NREP: variants seen among roughly 807,000 people sequenced by gnomAD.
NREP encodes neuronal regeneration related protein, also known as neuronal regeneration-related protein.
In NREP, 5 loss-of-function variants were observed where a neutral mutation model predicts 8.6. The ratio of observed to expected loss-of-function variants is 0.58; its 90% CI spans 0.30 to 1.22. The LOEUF (loss-of-function observed/expected upper bound fraction) is 1.22. Ranked by LOEUF, NREP falls within the 50% of genes most tolerant of loss-of-function variation. The probability of loss-of-function intolerance (pLI) is 0.07; values close to 1 mark genes in which losing one functional copy is unlikely to be tolerated. For synonymous variants in NREP, 27 were observed against 28.0 expected (o/e 0.96, Z 0.11); for missense variants, 86 against 82.5 (o/e 1.04, Z -0.17).
At chr5:111,767,852 A>G (rs956508879) in intron 2 of NREP, among the ~76,000 whole-genome samples, 2 of 151,984 alleles carry the variant, frequency 1.3e-5, no homozygotes, top group African/African-American at 4.8e-5. Context: ...TTTTTTAAAT[A>G]TGGGGTCTCC....
At chr5:111,773,856 C>G (rs1308864070) in intron 2 of NREP, among the ~76,000 whole-genome samples, 1 of 152,076 alleles carries the variant, frequency 6.6e-6, no homozygotes, top group African/African-American at 2.4e-5. Context: ...TGGTACCCTG[C>G]TTGTAGAGAA....
chr5:111,856,229 T>G (rs964459906), intron 2 of NREP, among the ~76,000 whole-genome samples: 2 of 152,162 alleles, frequency 1.3e-5, no homozygotes, highest in Non-Finnish European at 2.9e-5. Flanking sequence ...TGAACTAGAT[T>G]TTATTTTAGT....
At chr5:111,832,745 C>T (rs1372060504) in intron 2 of NREP, among the ~76,000 whole-genome samples, 1 of 152,216 alleles carries the variant, frequency 6.6e-6, no homozygotes, top group Non-Finnish European at 1.5e-5. Flanking sequence ...GCTACGCTTT[C>T]CAGGCAAAAT....
chr5:111,948,915 G>C (rs1040619541), intron 2 of NREP: 13 of 151,960 alleles, frequency 8.6e-5, no homozygotes, highest in Non-Finnish European at 7.4e-5. Context: ...ATCCAGCAAA[G>C]ATAAATAACA....
chr5:111,827,921 C>T (rs1453742065), intron 2 of NREP, among the ~76,000 whole-genome samples: 2 of 152,164 alleles, frequency 1.3e-5, no homozygotes, highest in Non-Finnish European at 2.9e-5. Context: ...GTACCAAAGG[C>T]ACAAGAAGTA....
chr5:111,840,191 TG>T (rs1752994935), intron 2 of NREP, among the ~76,000 whole-genome samples: 1 of 152,076 alleles, frequency 6.6e-6, no homozygotes, highest in Non-Finnish European at 1.5e-5. Context: ...ATAGCTCTGC[TG>T]TTAGGGGTAT....
chr5:111,800,809 C>T (rs1294644760), intron 2 of NREP, among the ~76,000 whole-genome samples: 1 of 152,174 alleles, frequency 6.6e-6, no homozygotes, highest in East Asian at 1.9e-4. Flanking sequence ...AAACAGAAAT[C>T]TCATTTTTTT....
At chr5:111,781,051 A>C (rs1257253353) in intron 2 of NREP, among the ~76,000 whole-genome samples, 2 of 152,090 alleles carry the variant, frequency 1.3e-5, no homozygotes, top group Non-Finnish European at 2.9e-5. Context: ...ATATAGGTCA[A>C]CTTGTGTCAT....
At chr5:111,827,043 A>G (rs188538137) in intron 2 of NREP, among the ~76,000 whole-genome samples, 58 of 152,336 alleles carry the variant, frequency 3.8e-4, no homozygotes, top group Middle Eastern at 3.4e-3. Context: ...TATTTTCTTA[A>G]ACACTAATTC....
rs1010390384 is a variant in NREP, at chr5:111,876,957, T to G, written c.135+98317A>C. On this transcript the variant is annotated intron_variant, in intron 2 of 3. Coordinates refer to the NREP transcript ENST00000395634. ...AATCAGAATGTAAACCCAGGCAGTC[T>G]GTGCTCTTGATCATATGCTAAGTTG... Among the ~76,000 whole-genome samples, 6 of 152,350 alleles carry G rather than the reference T, an allele frequency of 3.9e-5. No homozygotes were observed. The East Asian group carries it at 1.2e-3, about 29-fold the overall frequency.
upstream of NREP, chr5:111,758,326 A>C: frequency 5.9e-6 from 5 of 842,198 alleles, no homozygotes; most frequent in African/African-American, 3.7e-5. Flanking sequence ...CCTTCCCTAT[A>C]CGCTCCCCCA....
intron 2 of NREP, among the ~76,000 whole-genome samples, chr5:111,835,302 T>C (rs1752866675): frequency 1.3e-5 from 2 of 152,230 alleles, no homozygotes; most frequent in South Asian, 2.1e-4. Flanking sequence ...CATTTGTCTA[T>C]TTGAGTAAAG....
chr5:111,847,499 T>C (rs1444089013), intron 2 of NREP, among the ~76,000 whole-genome samples: 1 of 152,176 alleles, frequency 6.6e-6, no homozygotes, highest in Non-Finnish European at 1.5e-5. Context: ...ATAGCACATA[T>C]TACATTTAAC....
At chr5:111,956,194 C>T (rs1183416037) in intron 2 of NREP, among the ~76,000 whole-genome samples, 5 of 152,010 alleles carry the variant, frequency 3.3e-5, no homozygotes. Flanking sequence ...AGCTCAGAGA[C>T]AGGAGAATTC....
intron 2 of NREP, among the ~76,000 whole-genome samples, chr5:111,835,134 T>C (rs970482558): frequency 1.3e-5 from 2 of 152,168 alleles, no homozygotes; most frequent in African/African-American, 2.4e-5. Context: ...GTTAGTTGAT[T>C]TCCTATTCAA....
chr5:111,918,228 C>A (rs1361408597), intron 2 of NREP, among the ~76,000 whole-genome samples: 1 of 152,138 alleles, frequency 6.6e-6, no homozygotes, highest in Non-Finnish European at 1.5e-5. Flanking sequence ...AAACAGAAAA[C>A]ATTCCATGCT....
At chr5:111,924,444 G>C (rs1262137946) in intron 2 of NREP, among the ~76,000 whole-genome samples, 1 of 143,530 alleles carries the variant, frequency 7.0e-6, no homozygotes, top group Admixed American at 7.1e-5. Flanking sequence ...GTGAGTCAGG[G>C]TGTAGTGGTA....
chr5:111,857,059 TGC>T (rs1744234600), intron 2 of NREP, among the ~76,000 whole-genome samples: 11 of 152,210 alleles, frequency 7.2e-5, no homozygotes, highest in Non-Finnish European at 1.5e-4. Flanking sequence ...TAAATATTGC[TGC>T]ATAATGACAA....
At chr5:111,838,618 A>T (rs962734866) in intron 2 of NREP, among the ~76,000 whole-genome samples, 1 of 152,078 alleles carries the variant, frequency 6.6e-6, no homozygotes. Context: ...CTTCTATCGG[A>T]GGGTTTCCTG....
Sources: allele counts gnomAD v4.1 joint callset (sites outside exome capture counted in the v4.1 genomes callset), GRCh38; gene constraint gnomAD v4.1.1; transcripts MANE v1.5; gene names NCBI Gene and HGNC (gene_info 2026-07-23, HGNC 2026-07-21).